UHRF2: variants seen among roughly 807,000 people sequenced by gnomAD.
The protein encoded by UHRF2 is E3 ubiquitin-protein ligase UHRF2.
A neutral mutation model predicts 96.8 loss-of-function variants in UHRF2; 23 were observed. That is an observed-to-expected ratio of 0.24 (90% confidence interval 0.17 to 0.34). UHRF2 has a LOEUF of 0.34. UHRF2 is among the 10% of genes least tolerant of loss of function. The pLI is 1.00. For synonymous variants in UHRF2, 385 were observed against 332.6 expected (o/e 1.16, Z -1.72); for missense variants, 685 against 981.5 (o/e 0.70, Z 4.04).
rs556312176 is a variant in UHRF2 at position 6,467,699 on chromosome 9, A to T, written c.863+6908A>T. ...GAAGTTGAATTCTTTCAAAGATTTG[A>T]ATTTGCTTGTTTACTAGTCACTTGG... On this transcript the variant is annotated intron_variant, in intron 4 of 15. Transcript: ENST00000276893. 2.8e-5 allele frequency among the ~76,000 whole-genome samples: 4 copies of T among 145,134 alleles called. No homozygotes were observed. In the South Asian group the frequency reaches 8.8e-4, roughly 32 times the overall value.
At chr9:6,423,441 A>T (rs1036792683) in intron 2 of UHRF2, among the ~76,000 whole-genome samples, 1 of 152,186 alleles carries the variant, frequency 6.6e-6, no homozygotes, top group African/African-American at 2.4e-5. Flanking sequence ...GTATTTGCTG[A>T]TTTAACTTGC....
intron 3 of UHRF2, among the ~76,000 whole-genome samples, chr9:6,450,973 A>G (rs1367531404): frequency 6.6e-6 from 1 of 152,234 alleles, no homozygotes; most frequent in Non-Finnish European, 1.5e-5. Flanking sequence ...TAATACTTAA[A>G]TATACCATGG....
chr9:6,422,610 T>G (rs1366193484), intron 2 of UHRF2: 1 of 627,018 alleles, frequency 1.6e-6, no homozygotes, highest in South Asian at 1.9e-5. Context: ...TCCATTAACT[T>G]AGATCTTTTC....
At chr9:6,430,418 A>G (rs1206623853) in intron 2 of UHRF2, among the ~76,000 whole-genome samples, 1 of 152,042 alleles carries the variant, frequency 6.6e-6, no homozygotes, top group Non-Finnish European at 1.5e-5. Context: ...TCTCCTCCCC[A>G]TATTAATCTT....
At chr9:6,500,485 C>CT in intron 13 of UHRF2, 67 bp from the exon 14 acceptor site, 2 of 1,392,536 alleles carry the variant, frequency 1.4e-6, no homozygotes, top group Non-Finnish European at 1.9e-6. Context: ...CCAGTTAACT[C>CT]TTTTGTTTCA....
Position 6,506,356 on chromosome 9 carries a change from C to T in UHRF2, c.*177C>T, listed in dbSNP as rs1816582918. ...AGTAAGAGGCCCATTTCTCAACTGT[C>T]TTTTAAATATCTAAAGGTAGTTCCT... On this transcript the variant is annotated 3_prime_UTR_variant, in exon 16 of 16. Coordinates refer to ENST00000276893, the MANE Select transcript of UHRF2 (RefSeq NM_152896.3). 1.4e-6 allele frequency: 1 copy of T among 728,522 alleles called. No individual in the cohort carries two copies. The highest frequency in any genetic ancestry group is 2.1e-6 in the Non-Finnish European group (1 of 477,918). The allele number at this position is 728,522 out of a possible 1,614,324, so 45.1% of individuals were successfully genotyped here.
chr9:6,470,815 CTG>C (rs1324338023), intron 4 of UHRF2, among the ~76,000 whole-genome samples: 1 of 152,022 alleles, frequency 6.6e-6, no homozygotes, highest in African/African-American at 2.4e-5. Context: ...AATTAACACA[CTG>C]AAAGTGAAAA....
chr9:6,484,364 G>A (rs963991322), intron 8 of UHRF2, among the ~76,000 whole-genome samples: 42 of 151,476 alleles, frequency 2.8e-4, no homozygotes, highest in Admixed American at 2.2e-3. Flanking sequence ...GCTTAGTGGC[G>A]GCGGTGGTGG....
intron 2 of UHRF2, among the ~76,000 whole-genome samples, chr9:6,429,629 G>T (rs1236688951): frequency 6.6e-6 from 1 of 152,036 alleles, no homozygotes; most frequent in African/African-American, 2.4e-5. Flanking sequence ...CTGCACCCGG[G>T]CTATACTCTG....
chr9:6,462,373 A>C (rs965961414), intron 4 of UHRF2, among the ~76,000 whole-genome samples: 1 of 152,182 alleles, frequency 6.6e-6, no homozygotes, highest in Non-Finnish European at 1.5e-5. Flanking sequence ...AACATTTTAG[A>C]GAACAGATTT....
At chr9:6,428,996 C>G (rs186959343) in intron 2 of UHRF2, among the ~76,000 whole-genome samples, 75 of 152,248 alleles carry the variant, frequency 4.9e-4, no homozygotes, top group African/African-American at 1.5e-3. Flanking sequence ...GAAACCCCAT[C>G]TCTGCTAAAA....
intron 3 of UHRF2, among the ~76,000 whole-genome samples, chr9:6,446,119 A>G (rs111520934): frequency 0.018 from 2,675 of 150,842 alleles, 73 homozygotes; most frequent in African/African-American, 0.062. Flanking sequence ...TAGCCTCCTA[A>G]GTAACTAGGA....
rs755736154 is a variant in UHRF2, at chr9:6,497,154, G to A, written c.1605-44G>A. ...GAGCTAATGACTCGATTGTGTACTT[G>A]AAGAAAAATTACATGGTATAAAGAC... On this transcript the variant is annotated intron_variant, in intron 10 of 15. Coordinates refer to ENST00000276893, the MANE Select transcript of UHRF2 (RefSeq NM_152896.3). The A allele has an allele frequency of 1.5e-5, 24 of 1,583,534 alleles. No individual in the cohort carries two copies. In the South Asian group the frequency reaches 2.7e-4, roughly 18 times the overall value.
chr9:6,481,831 T>C (rs1823946009), intron 7 of UHRF2, 65 bp downstream of exon 7: 1 of 1,568,536 alleles, frequency 6.4e-7, no homozygotes, highest in South Asian at 1.2e-5. Flanking sequence ...TTAATACCAA[T>C]AGTAGTAATG....
chr9:6,415,265 G>A (rs1819530634), intron 1 of UHRF2: 1 of 152,200 alleles, frequency 6.6e-6, no homozygotes, highest in Admixed American at 6.5e-5. Context: ...CAGATTCCAG[G>A]GAAAACTGAG....
At chr9:6,461,530 G>A (rs772686187) in intron 4 of UHRF2, among the ~76,000 whole-genome samples, 2 of 151,156 alleles carry the variant, frequency 1.3e-5, no homozygotes, top group Non-Finnish European at 2.9e-5. Context: ...ATGACACCAC[G>A]CCCACCTAAC....
chr9:6,443,840 G>A (rs1362926948), intron 3 of UHRF2, among the ~76,000 whole-genome samples: 2 of 152,080 alleles, frequency 1.3e-5, no homozygotes, highest in Non-Finnish European at 2.9e-5. Context: ...AAACTCATCT[G>A]GCAAACGTCT....
At chr9:6,463,531 C>A (rs1156986237) in intron 4 of UHRF2, among the ~76,000 whole-genome samples, 9 of 151,082 alleles carry the variant, frequency 6.0e-5, no homozygotes, top group Non-Finnish European at 2.9e-5. Flanking sequence ...ATAGCAGTGG[C>A]ACAATCCCGG....
intron 1 of UHRF2, among the ~76,000 whole-genome samples, chr9:6,420,631 C>T (rs562272251): frequency 1.6e-4 from 24 of 150,646 alleles, no homozygotes; most frequent in Admixed American, 4.6e-4. Flanking sequence ...GGTGTGAACC[C>T]GGGAGGAGGC....
Sources: gnomAD v4.1 joint callset for allele counts (sites outside exome capture counted in the v4.1 genomes callset) on GRCh38, gnomAD v4.1.1 for gene constraint, MANE v1.5 for transcripts, NCBI Gene and HGNC (gene_info 2026-07-23, HGNC 2026-07-21) for gene names.